UTRN: variants seen among roughly 807,000 people sequenced by gnomAD.
The protein encoded by UTRN is dystrophin-related protein 1.
UTRN carries 283 observed loss-of-function variants against 463.9 expected under a neutral mutation model. The observed-to-expected ratio is 0.61, with a 90% CI of 0.55 to 0.67. The LOEUF is 0.67. UTRN is among the 30% of genes least tolerant of loss of function. The pLI is 0.00. For synonymous variants in UTRN, 1,442 were observed against 1,431.5 expected (o/e 1.01, Z -0.17); for missense variants, 3,922 against 4,084.3 (o/e 0.96, Z 1.08).
At chr6:144,463,826 A>G (rs190774527) in intron 23 of UTRN, among the ~76,000 whole-genome samples, 1 of 151,472 alleles carries the variant, frequency 6.6e-6, no homozygotes. Context: ...ATATATATAG[A>G]TAGATAGATT....
chr6:144,588,149 T>A (rs1802653858), intron 51 of UTRN, among the ~76,000 whole-genome samples: 1 of 152,074 alleles, frequency 6.6e-6, no homozygotes, highest in Non-Finnish European at 1.5e-5. Context: ...TGAGACGGGA[T>A]CAAGGAGAAA....
intron 2 of UTRN, among the ~76,000 whole-genome samples, chr6:144,305,578 T>C (rs1805657161): frequency 6.6e-6 from 1 of 152,210 alleles, no homozygotes. Flanking sequence ...ACAATTCCTG[T>C]TAATGAAAGA....
intron 13 of UTRN, among the ~76,000 whole-genome samples, chr6:144,443,774 T>C (rs1787396044): frequency 6.6e-6 from 1 of 152,122 alleles, no homozygotes; most frequent in African/African-American, 2.4e-5. Flanking sequence ...TATTGTCTCA[T>C]AAAAATTCTC....
chr6:144,337,696 C>T (rs1236063431), intron 2 of UTRN, among the ~76,000 whole-genome samples: 1 of 152,120 alleles, frequency 6.6e-6, no homozygotes, highest in African/African-American at 2.4e-5. Flanking sequence ...CCCACTGCAA[C>T]CTCTGCCTCC....
intron 41 of UTRN, among the ~76,000 whole-genome samples, chr6:144,525,621 G>A (rs1796504631): frequency 6.6e-6 from 1 of 151,054 alleles, no homozygotes; most frequent in South Asian, 2.1e-4. Context: ...TATTTTTTTA[G>A]AGAACCAGCT....
chr6:144,707,925 A>T (rs1306590945), intron 53 of UTRN, among the ~76,000 whole-genome samples: 1 of 152,158 alleles, frequency 6.6e-6, no homozygotes, highest in African/African-American at 2.4e-5. Context: ...AAGTTCTAGG[A>T]TACTCAGATT....
intron 32 of UTRN, among the ~76,000 whole-genome samples, chr6:144,491,420 A>G (rs138586817): frequency 7.3e-4 from 111 of 152,362 alleles, no homozygotes; most frequent in African/African-American, 2.6e-3. Flanking sequence ...CTAATAAGCA[A>G]AGTTTTCAAG....
chr6:144,424,227 C>T lies in UTRN; in HGVS notation c.405+149C>T. 3.7e-6 allele frequency: 3 copies of T among 807,972 alleles called. No homozygotes were observed. In the South Asian group the frequency reaches 5.3e-5, roughly 14 times the overall value. 50.1% of individuals were successfully genotyped at this position (807,972 alleles called of 1,614,324 possible). ...CTCCCAGTTCTGGAGGCCAGAAGTC[C>T]AAGATCAAGGCATCAGCAGGGTTGG... On this transcript the variant is annotated intron_variant, in intron 6 of 74. Coordinates refer to ENST00000367545, the MANE Select transcript of UTRN (RefSeq NM_007124.3).
chr6:144,492,371 G>A (rs1562481388), intron 32 of UTRN, among the ~76,000 whole-genome samples: 1 of 152,154 alleles, frequency 6.6e-6, no homozygotes, highest in African/African-American at 2.4e-5. Flanking sequence ...TTATGGCTGT[G>A]TAGTGTTCCG....
chr6:144,756,275 A>C (rs937084671), intron 57 of UTRN, among the ~76,000 whole-genome samples: 7 of 152,172 alleles, frequency 4.6e-5, no homozygotes, highest in African/African-American at 1.7e-4. Flanking sequence ...AGTTCTAACT[A>C]TCAGTTATCT....
Position 144,804,668 on chromosome 6 carries a change from T to G in UTRN, c.9357+1521T>G, listed in dbSNP as rs566100093. 5.4e-5 allele frequency among the ~76,000 whole-genome samples: 8 copies of G among 147,608 alleles called. No homozygotes were observed. The East Asian group carries it at 1.6e-3, about 29-fold the overall frequency. ...CCAGCTGTGTCTGTGAGCTGGCAATTGTCAGAGTTAGGATTCTACCATTCC... is the reference window on the plus strand; with the variant it reads ...CCAGCTGTGTCTGTGAGCTGGCAATGGTCAGAGTTAGGATTCTACCATTCC... On this transcript the variant is annotated intron_variant, in intron 65 of 74. Coordinates refer to ENST00000367545, the MANE Select transcript of UTRN (RefSeq NM_007124.3).
intron 51 of UTRN, among the ~76,000 whole-genome samples, chr6:144,607,243 T>A (rs1051820031): frequency 6.6e-6 from 1 of 152,222 alleles, no homozygotes; most frequent in African/African-American, 2.4e-5. Flanking sequence ...AAACTGGATC[T>A]CTGTTGAACC....
At chr6:144,625,592 G>A (rs975470572) in intron 51 of UTRN, among the ~76,000 whole-genome samples, 5 of 152,192 alleles carry the variant, frequency 3.3e-5, no homozygotes, top group African/African-American at 7.2e-5. Context: ...TTGAAAAGCC[G>A]GAGGACTGAG....
At chr6:144,433,104 A>C (rs1786049195) in intron 9 of UTRN, among the ~76,000 whole-genome samples, 2 of 152,304 alleles carry the variant, frequency 1.3e-5, no homozygotes, top group South Asian at 4.1e-4. Flanking sequence ...CAGACACGGC[A>C]ACCATCCGAT....
intron 53 of UTRN, among the ~76,000 whole-genome samples, chr6:144,712,721 C>T (rs148497949): frequency 7.7e-4 from 117 of 152,258 alleles, no homozygotes; most frequent in Middle Eastern, 3.4e-3. Context: ...ATTAAAAGTG[C>T]TGTAATACAG....
intron 23 of UTRN, among the ~76,000 whole-genome samples, chr6:144,465,528 C>G (rs1367490729): frequency 1.3e-5 from 2 of 152,120 alleles, no homozygotes; most frequent in East Asian, 3.8e-4. Flanking sequence ...TTATTTGCTT[C>G]TTGTGTACTA....
chr6:144,821,027 G>C lies in UTRN; in HGVS notation c.9494+9G>C. The C allele has an allele frequency of 6.2e-7, 1 of 1,611,192 alleles. No homozygotes were observed. Among genetic ancestry groups the C allele is most frequent in the Non-Finnish European group, 8.5e-7 (1 of 1,178,916 alleles). On this transcript the variant is annotated intron_variant, in intron 66 of 74. Coordinates refer to ENST00000367545, the MANE Select transcript of UTRN (RefSeq NM_007124.3). ...GGTGACAACTTAGAGACGTAAGTTT[G>C]ATTTTAATATTAAATCTAGTGTGAA...
chr6:144,664,887 T>C (rs1039475938), intron 51 of UTRN, among the ~76,000 whole-genome samples: 1 of 151,592 alleles, frequency 6.6e-6, no homozygotes, highest in Non-Finnish European at 1.5e-5. Context: ...TATATATATA[T>C]ATTTTTAAAA....
chr6:144,487,613 T>G lies in UTRN; in HGVS notation c.3888T>G (p.Thr1296=). Reference sequence around the variant, plus strand: ...CCCAGATTCGAGAGCTTGGCCAGACTCTGATTGATGGGGGGATCCTGGATG... The same window carrying G: ...CCCAGATTCGAGAGCTTGGCCAGACGCTGATTGATGGGGGGATCCTGGATG... ...NRTQIRELGQ[T]LIDGGILDDI... The change falls in exon 29 of 75, where the codon ACT becomes ACG. Residue 1296 remains threonine (T), a synonymous_variant. Transcript: ENST00000367545. The G allele has an allele frequency of 6.2e-7, 1 of 1,613,636 alleles. No individual in the cohort carries two copies. Among genetic ancestry groups the G allele is most frequent in the Non-Finnish European group, 8.5e-7 (1 of 1,179,748 alleles).
Sources: gnomAD v4.1 joint callset for allele counts (sites outside exome capture counted in the v4.1 genomes callset) on GRCh38, gnomAD v4.1.1 for gene constraint, MANE v1.5 for transcripts, NCBI Gene and HGNC (gene_info 2026-07-23, HGNC 2026-07-21) for gene names.